Variants in CACHD1 observed in about 807,000 individuals in gnomAD.
CACHD1 encodes VWFA and cache domain-containing protein 1.
CACHD1 carries 71 observed loss-of-function variants against 138.7 expected under a neutral mutation model. That is an observed-to-expected ratio of 0.51 (90% confidence interval 0.42 to 0.62). The LOEUF is 0.62. Among genes scored for constraint, CACHD1 ranks in the 20% least tolerant of loss-of-function variants. The pLI is 0.00. For synonymous variants in CACHD1, 578 were observed against 591.5 expected (o/e 0.98, Z 0.33); for missense variants, 1,389 against 1,625.3 (o/e 0.85, Z 2.50).
chr1:64,631,738 G>A (rs1202180874), intron 5 of CACHD1, among the ~76,000 whole-genome samples: 1 of 152,092 alleles, frequency 6.6e-6, no homozygotes, highest in African/African-American at 2.4e-5. Flanking sequence ...TTTGATGGGA[G>A]GCATTTCTCC....
At chr1:64,542,407 G>A (rs951429287) in intron 1 of CACHD1, among the ~76,000 whole-genome samples, 15 of 152,030 alleles carry the variant, frequency 9.9e-5, no homozygotes, top group African/African-American at 3.6e-4. Context: ...AATAGCCCTG[G>A]TTTCTCGCAA....
intron 1 of CACHD1, among the ~76,000 whole-genome samples, chr1:64,508,042 A>G (rs1441034903): frequency 6.6e-6 from 1 of 152,208 alleles, no homozygotes; most frequent in Non-Finnish European, 1.5e-5. Flanking sequence ...AGGAAACTTA[A>G]AACCGTGGTG....
chr1:64,673,117 A>G (rs774999338), intron 17 of CACHD1, 41 bp from the exon 18 acceptor site: 2 of 1,518,540 alleles, frequency 1.3e-6, no homozygotes, highest in Admixed American at 1.8e-5. Flanking sequence ...AAAAAAAAAA[A>G]CAGCTGATAT....
Position 64,656,064 on chromosome 1 carries a change from T to C in CACHD1, c.1782+1261T>C, listed in dbSNP as rs1649252726. Reference sequence around the variant, plus strand: ...GATACAGTGTCTGTGCCTGTATCAGTTGGATCAGGAAAGATAGGAATTGGG... The same window carrying C: ...GATACAGTGTCTGTGCCTGTATCAGCTGGATCAGGAAAGATAGGAATTGGG... On this transcript the variant is annotated intron_variant, in intron 12 of 26. Transcript: ENST00000651257. Among the ~76,000 whole-genome samples, 7 of 152,300 alleles carry C rather than the reference T, an allele frequency of 4.6e-5. No homozygotes were observed. In the South Asian group the frequency reaches 1.5e-3, roughly 32 times the overall value.
At chr1:64,566,167 G>A (rs1646878834) in intron 2 of CACHD1, among the ~76,000 whole-genome samples, 1 of 152,100 alleles carries the variant, frequency 6.6e-6, no homozygotes, top group African/African-American at 2.4e-5. Flanking sequence ...ACATAGGTAT[G>A]TATTTATGTT....
intron 8 of CACHD1, among the ~76,000 whole-genome samples, chr1:64,643,032 TGTCTAAAAA>T (rs1648772673): frequency 1.4e-5 from 1 of 71,146 alleles, no homozygotes; most frequent in South Asian, 6.3e-4. Context: ...AGCAAGACTC[TGTCTAAAAA>T]AAAAAAAAAA....
chr1:64,585,214 A>G (rs1417724439), intron 3 of CACHD1, among the ~76,000 whole-genome samples: 1 of 152,178 alleles, frequency 6.6e-6, no homozygotes, highest in Non-Finnish European at 1.5e-5. Flanking sequence ...ACATGCATAC[A>G]TTACACTTGA....
At chr1:64,562,810 T>C (rs1646852440) in intron 2 of CACHD1, among the ~76,000 whole-genome samples, 1 of 152,192 alleles carries the variant, frequency 6.6e-6, no homozygotes, top group Admixed American at 6.5e-5. Context: ...AGCATAGTTA[T>C]AATAGCTGCT....
chr1:64,659,975 G>T (rs1465783168), intron 13 of CACHD1, among the ~76,000 whole-genome samples: 2 of 152,216 alleles, frequency 1.3e-5, no homozygotes, highest in African/African-American at 2.4e-5. Flanking sequence ...TGGACTAAGT[G>T]GTCTCTTCTG....
intron 3 of CACHD1, among the ~76,000 whole-genome samples, chr1:64,583,427 G>A (rs2100541240): frequency 6.6e-6 from 1 of 152,282 alleles, no homozygotes; most frequent in East Asian, 1.9e-4. Context: ...TGGTGTCTTT[G>A]AGCAACCCTG....
chr1:64,602,310 A>G (rs577989873), intron 3 of CACHD1, among the ~76,000 whole-genome samples: 1 of 152,286 alleles, frequency 6.6e-6, no homozygotes, highest in East Asian at 1.9e-4. Flanking sequence ...AAATTGAATA[A>G]TCTTTCTAAT....
intron 4 of CACHD1, among the ~76,000 whole-genome samples, chr1:64,608,127 TG>T (rs1341478267): frequency 1.3e-5 from 2 of 152,116 alleles, no homozygotes; most frequent in Admixed American, 1.3e-4. Context: ...TAACAAGAGT[TG>T]TTCTCAGCAC....
chr1:64,502,167 A>G (rs943194291), intron 1 of CACHD1, among the ~76,000 whole-genome samples: 2 of 152,260 alleles, frequency 1.3e-5, no homozygotes, highest in African/African-American at 4.8e-5. Flanking sequence ...CAACTTAAAC[A>G]GGACAGAAAA....
At chr1:64,519,684 G>C (rs958460976) in intron 1 of CACHD1, among the ~76,000 whole-genome samples, 2 of 30,910 alleles carry the variant, frequency 6.5e-5, no homozygotes, top group African/African-American at 9.0e-5. Context: ...CCTGGCTCAA[G>C]CCAAAAAACT....
chr1:64,649,497 A>G (rs1042356893), intron 9 of CACHD1, among the ~76,000 whole-genome samples: 1 of 152,154 alleles, frequency 6.6e-6, no homozygotes, highest in Admixed American at 6.6e-5. Context: ...TGTAGCTTAC[A>G]TTACTGAGTG....
At chr1:64,675,357 T>G (rs775928575) in intron 19 of CACHD1, 44 bp from the exon 20 acceptor site, 2 of 1,494,718 alleles carry the variant, frequency 1.3e-6, no homozygotes, top group African/African-American at 2.7e-5. Context: ...GGCTGAGTCT[T>G]TGCATTGCTG....
intron 9 of CACHD1, 88 bp from the exon 10 acceptor site, chr1:64,652,073 G>A: frequency 8.6e-7 from 1 of 1,165,980 alleles, no homozygotes; most frequent in Non-Finnish European, 1.2e-6. Flanking sequence ...GCTGATAGAA[G>A]CCTTCATGAT....
intron 1 of CACHD1, among the ~76,000 whole-genome samples, chr1:64,516,456 C>T (rs941603315): frequency 3.9e-5 from 6 of 152,150 alleles, no homozygotes; most frequent in South Asian, 4.1e-4. Flanking sequence ...ACAAAACACC[C>T]GGCATAATGC....
intron 4 of CACHD1, among the ~76,000 whole-genome samples, chr1:64,609,267 T>C (rs1211474862): frequency 6.6e-6 from 1 of 152,226 alleles, no homozygotes; most frequent in African/African-American, 2.4e-5. Flanking sequence ...GGCCATGTTC[T>C]ACCTGAAATA....
Sources: allele counts gnomAD v4.1 joint callset (sites outside exome capture counted in the v4.1 genomes callset), GRCh38; gene constraint gnomAD v4.1.1; transcripts MANE v1.5; gene names NCBI Gene and HGNC (gene_info 2026-07-23, HGNC 2026-07-21).